KCNMB3: variants seen among roughly 807,000 people sequenced by gnomAD.
KCNMB3 encodes calcium-activated potassium channel subunit beta-3.
A neutral mutation model predicts 11.9 loss-of-function variants in KCNMB3; 18 were observed. The ratio of observed to expected loss-of-function variants is 1.51; its 90% confidence interval spans 1.04 to 2.23. The LOEUF is 2.23. KCNMB3 is among the 30% of genes most tolerant of loss of function. The pLI is 0.00. For synonymous variants in KCNMB3, 78 were observed against 119.2 expected, an observed-to-expected ratio of 0.65 and a Z score of 2.25; for missense variants, 247 against 329.4, an observed-to-expected ratio of 0.75 and a Z score of 1.94.
exon 1 of KCNMB3, chr3:179,266,762 C>T (rs766013152): frequency 5.6e-6 from 9 of 1,606,188 alleles, no homozygotes; most frequent in African/African-American, 4.0e-5. Context: ...CATGCCCCTG[C>T]GGGCGCAAGA....
At chr3:179,265,028 T>C (rs1375390099) in intron 1 of KCNMB3, among the ~76,000 whole-genome samples, 1 of 152,172 alleles carries the variant, frequency 6.6e-6, no homozygotes, top group East Asian at 1.9e-4. Flanking sequence ...TGGGATACAG[T>C]AGTTTGCTTT....
Position 179,250,962 on chromosome 3 carries a change from G to T in KCNMB3, c.29C>A (p.Ala10Glu). The change falls in exon 1 of 3, where the codon GCA (alanine) becomes GAA (glutamate). Residue 10 changes from alanine to glutamate, a missense_variant. Ala to Glu is a moderately radical substitution (Grantham distance 107, BLOSUM62 -1). This residue lies in a region of KCNMB3 where 160 missense variants were observed against 157.5 expected (regional missense o/e 1.02). Coordinates refer to ENST00000392685, the MANE Select transcript of KCNMB3 (RefSeq NM_171830.2). Reference sequence around the variant, plus strand: ...TTGGGGAAAGGGAGAAGGAGATACTGCAGTGAGCTCATAAAGAAGGGGGAA... The same window carrying T: ...TTGGGGAAAGGGAGAAGGAGATACTTCAGTGAGCTCATAAAGAAGGGGGAA... MFPLLYELT[A>E]VSPSPFPQRT... is the part of the protein sequence containing the mutation. 1.2e-6 allele frequency: 2 copies of T among 1,614,160 alleles called. No homozygotes were observed. The highest frequency in any genetic ancestry group is 1.7e-6 in the Non-Finnish European group (2 of 1,180,008).
chr3:179,260,529 T>C, intron 1 of KCNMB3: 1 of 1,602,464 alleles, frequency 6.2e-7, no homozygotes, highest in South Asian at 1.1e-5. Context: ...GATTTCATTC[T>C]TCACCTCCAC....
At chr3:179,262,715 T>G (rs1401171977) in intron 1 of KCNMB3, among the ~76,000 whole-genome samples, 1 of 152,174 alleles carries the variant, frequency 6.6e-6, no homozygotes, top group Non-Finnish European at 1.5e-5. Context: ...TTGGTGCGTT[T>G]ACAATCCCTG....
At position 179,260,604 on chromosome 3, in the gene KCNMB3, T is replaced by C. The variant is rs537744657; in HGVS notation, c.62+6045A>G. On this transcript the variant is annotated intron_variant, in intron 1 of 3. Transcript: ENST00000349697. ...AGGGCATTTAACTCTTCTTTCGTCA[T>C]CTTGGTAGGATCTTGGTATCAAACA... is the stretch of plus-strand genomic sequence containing the variant. 4 of 1,448,914 alleles carry C rather than the reference T, an allele frequency of 2.8e-6. No homozygotes were observed. In the Admixed American group the frequency reaches 5.2e-5, roughly 19 times the overall value. The allele number at this position is 1,448,914 out of a possible 1,614,324, so 89.8% of individuals were successfully genotyped here.
intron 1 of KCNMB3, chr3:179,259,262 T>C: frequency 6.5e-7 from 1 of 1,537,188 alleles, no homozygotes; most frequent in Admixed American, 2.2e-5. Flanking sequence ...CATTTTTGGG[T>C]ACGGTGCAGT....
At chr3:179,259,654 G>C in intron 1 of KCNMB3, 6 of 1,608,994 alleles carry the variant, frequency 3.7e-6, no homozygotes, top group Non-Finnish European at 5.1e-6. Flanking sequence ...TCTGTGTTCT[G>C]ATAAGTTAAC....
rs201395729 is a variant in KCNMB3 at position 179,250,829 on chromosome 3, G to C, written c.162C>G (p.Ala54=). The change falls in exon 1 of 3, where the codon GCC becomes GCG. Residue 54 remains alanine, a synonymous_variant. Transcript: ENST00000392685. The stretch of plus-strand genomic sequence containing the variant: ...CCATCATGGCAAACCCCAGCATCAC[G>C]GCTCGGTCCTCTCCAGCACTGGATG... ...RLPSSAGEDR[A]VMLGFAMMGF... is the part of the protein sequence containing the mutation. The C allele has an allele frequency of 6.2e-7, 1 of 1,614,114 alleles. No homozygotes were observed. The highest frequency in any genetic ancestry group is 8.5e-7 in the Non-Finnish European group (1 of 1,180,012).
In KCNMB3 at chr3:179,250,899, GTCTC is replaced by G. The variant is rs1725819419; in HGVS notation, c.88_91del (p.Glu30GlnfsTer9). On this transcript the variant is annotated frameshift_variant, in exon 1 of 3. Transcript: ENST00000392685. LOFTEE classifies it high-confidence loss of function. ...TAGTGGGTCTCCATCACTGTAGTCT[GTCTC>G]TCTCTTCTTCCCTGAGGCAGGAAAG... The G allele has an allele frequency of 6.2e-7, 1 of 1,614,126 alleles. No individual in the cohort carries two copies.
intron 1 of KCNMB3, among the ~76,000 whole-genome samples, chr3:179,246,221 G>C (rs1019249422): frequency 6.6e-6 from 1 of 152,158 alleles, no homozygotes; most frequent in Non-Finnish European, 1.5e-5. Context: ...AGACCAGCCT[G>C]GCCAACATGG....
chr3:179,266,656 G>A lies in KCNMB3; in HGVS notation c.55C>T (p.Gln19Ter), dbSNP rs757099935. The change falls in exon 1 of 4, where the codon CAG becomes TAG. Residue 19 changes from glutamine (Q) to a stop codon, truncating the protein, a stop_gained. Coordinates refer to the KCNMB3 transcript ENST00000349697. LOFTEE classifies it high-confidence loss of function. Reference sequence around the variant, plus strand: ...CTTCCGGAAGTGACTTACCTCCCCTGGCGCCTCCGGCTGCCCTGAAGTGTG... The same window carrying A: ...CTTCCGGAAGTGACTTACCTCCCCTAGCGCCTCCGGCTGCCCTGAAGTGTG... 1.9e-6 allele frequency: 3 copies of A among 1,614,088 alleles called. No individual in the cohort carries two copies. Among genetic ancestry groups the A allele is most frequent in the Non-Finnish European group, 2.5e-6 (3 of 1,179,966 alleles).
chr3:179,263,061 A>C lies in KCNMB3; in HGVS notation c.62+3588T>G, dbSNP rs1010029833. On this transcript the variant is annotated intron_variant, in intron 1 of 3. Coordinates refer to the KCNMB3 transcript ENST00000349697. Reference sequence around the variant, plus strand: ...TCCTGTGCGTGTGCCCGCACTCCTCAGACCTTGAGTGGTGGATGGGACTGG... The same window carrying C: ...TCCTGTGCGTGTGCCCGCACTCCTCCGACCTTGAGTGGTGGATGGGACTGG... Among the ~76,000 whole-genome samples, 6 of 152,346 alleles carry C rather than the reference A, an allele frequency of 3.9e-5. No individual in the cohort carries two copies. In the South Asian group the frequency reaches 1.2e-3, roughly 32 times the overall value.
At chr3:179,254,343 C>T (rs1004390740), upstream of KCNMB3, among the ~76,000 whole-genome samples, 1 of 152,148 alleles carries the variant, frequency 6.6e-6, no homozygotes, top group Admixed American at 6.5e-5. Flanking sequence ...TTAGATAATC[C>T]TCAAGGGGAT....
chr3:179,266,218 T>G lies in KCNMB3; in HGVS notation c.62+431A>C, dbSNP rs1373574598. ...GGCTGTGACTCCAGGGCTTCACCAA[T>G]GGGACCTGCCCAGTCATATGGCTGA... On this transcript the variant is annotated intron_variant, in intron 1 of 3. Coordinates refer to the KCNMB3 transcript ENST00000349697. 2.6e-5 allele frequency among the ~76,000 whole-genome samples: 4 copies of G among 151,402 alleles called. No individual in the cohort carries two copies. In the East Asian group the frequency reaches 7.8e-4, roughly 29 times the overall value.
Position 179,265,363 on chromosome 3 carries a change from C to A in KCNMB3, c.62+1286G>T, listed in dbSNP as rs1323592377. ...GACCATTACCATCTTTAATGTTTTC[C>A]AATTCTCAGCTCCCAACTCCACTAG... On this transcript the variant is annotated intron_variant, in intron 1 of 3. Coordinates refer to the KCNMB3 transcript ENST00000349697. Among the ~76,000 whole-genome samples, 7 of 152,240 alleles carry A rather than the reference C, an allele frequency of 4.6e-5. No individual in the cohort carries two copies. In the Middle Eastern group the frequency reaches 0.01, roughly 222 times the overall value.
At chr3:179,240,753 A>G (rs1413039389), downstream of KCNMB3, 1 of 149,922 alleles carries the variant, frequency 6.7e-6, no homozygotes, top group African/African-American at 2.5e-5. Context: ...CACACGCTTT[A>G]TATTTTAAAT....
At chr3:179,250,339 T>C (rs1278062777) in intron 1 of KCNMB3, among the ~76,000 whole-genome samples, 5 of 152,250 alleles carry the variant, frequency 3.3e-5, no homozygotes, top group Non-Finnish European at 7.3e-5. Flanking sequence ...GCAACTACTA[T>C]GTGCCAGGTA....
intron 1 of KCNMB3, chr3:179,260,399 G>A (rs150699486): frequency 1.3e-5 from 21 of 1,613,916 alleles, no homozygotes; most frequent in Middle Eastern, 1.7e-4. Flanking sequence ...AGGATTTCTG[G>A]TCCTCGGTAT....
Position 179,261,336 on chromosome 3 carries a change from C to G in KCNMB3, c.62+5313G>C, listed in dbSNP as rs540568799. 2.6e-4 allele frequency: 311 copies of G among 1,182,046 alleles called. 1 individual carries two copies. The highest frequency in any genetic ancestry group is 1.8e-3 in the East Asian group (48 of 26,060). The allele number at this position is 1,182,046 out of a possible 1,614,324, so 73.2% of individuals were successfully genotyped here. ...CTCGGGGACCGTGCCGGAGCCCCCC[C>G]CCGCGGGCCGGGCCAGGGGGCGCGC... is the stretch of plus-strand genomic sequence containing the variant. On this transcript the variant is annotated intron_variant, in intron 1 of 3. Coordinates refer to the KCNMB3 transcript ENST00000349697.
Sources: allele counts gnomAD v4.1 joint callset (sites outside exome capture counted in the v4.1 genomes callset), GRCh38; gene constraint gnomAD v4.1.1; regional missense constraint gnomAD v4.1.1; transcripts MANE v1.5; gene names NCBI Gene and HGNC (gene_info 2026-07-23, HGNC 2026-07-21).